Variants in LTBP1 observed in about 807,000 individuals in gnomAD.
LTBP1 encodes latent transforming growth factor beta binding protein 1, also known as latent-transforming growth factor beta-binding protein 1.
LTBP1 carries 129 observed loss-of-function variants against 207.6 expected under a neutral mutation model. The ratio of observed to expected loss-of-function variants is 0.62; its 90% CI spans 0.54 to 0.72. LTBP1 has a LOEUF of 0.72. LTBP1 is among the 30% of genes least tolerant of loss of function. The pLI, the probability that LTBP1 is intolerant of heterozygous loss-of-function variation, is 0.00. For missense variants in LTBP1, 2,281 were observed against 2,217.2 expected (o/e 1.03, Z -0.58); for synonymous variants, 963 against 833.7 (o/e 1.16, Z -2.67).
At chr2:33,251,124 C>G (rs1374299593) in intron 10 of LTBP1, among the ~76,000 whole-genome samples, 1 of 152,206 alleles carries the variant, frequency 6.6e-6, no homozygotes, top group East Asian at 1.9e-4. Context: ...TGGCCCACCT[C>G]TGCTACTACT....
chr2:33,280,169 T>C lies in LTBP1; in HGVS notation c.3112+11T>C. On this transcript the variant is annotated intron_variant, in intron 19 of 33. Transcript: ENST00000404816. ...ATGGACAGTGCCTTGGTAGGTACTA[T>C]AGTGTACTTATCAAAGATTTGTTTC... The C allele has an allele frequency of 6.2e-7, 1 of 1,603,880 alleles. No homozygotes were observed. The highest frequency in any genetic ancestry group is 8.5e-7 in the Non-Finnish European group (1 of 1,176,322).
intron 15 of LTBP1, among the ~76,000 whole-genome samples, chr2:33,265,931 A>G (rs988275937): frequency 6.6e-6 from 1 of 152,154 alleles, no homozygotes; most frequent in African/African-American, 2.4e-5. Context: ...GAAACATGTT[A>G]TGGTTCCTTT....
At chr2:33,396,809 C>CA (rs1346014590) in intron 32 of LTBP1, among the ~76,000 whole-genome samples, 1 of 152,178 alleles carries the variant, frequency 6.6e-6, no homozygotes, top group East Asian at 1.9e-4. Flanking sequence ...ACTGCAAACT[C>CA]ACGAAGTTTG....
intron 21 of LTBP1, 136 bp from the exon 22 acceptor site, chr2:33,301,386 C>T: frequency 9.6e-7 from 1 of 1,040,104 alleles, no homozygotes; most frequent in East Asian, 2.6e-5. Context: ...GATAGTATTA[C>T]AAAAGCGACA....
In LTBP1 at chr2:33,399,047, C is replaced by T. The variant is rs1225891888; in HGVS notation, c.*502C>T. On this transcript the variant is annotated 3_prime_UTR_variant, in exon 34 of 34. Coordinates refer to ENST00000404816, the MANE Select transcript of LTBP1 (RefSeq NM_206943.4). ...ATTGTTACACAGGGTTATGCAATTC[C>T]CGGCCTGGAGCATTTTTGAAATTCA... is the stretch of plus-strand genomic sequence containing the variant. 6.6e-6 allele frequency: 1 copy of T among 152,562 alleles called. No homozygotes were observed. The highest frequency in any genetic ancestry group is 1.5e-5 in the Non-Finnish European group (1 of 68,044). 9.5% of individuals were successfully genotyped at this position (152,562 alleles called of 1,614,324 possible).
chr2:33,256,750 A>G (rs1435334921), intron 11 of LTBP1, among the ~76,000 whole-genome samples: 1 of 77,702 alleles, frequency 1.3e-5, no homozygotes, highest in East Asian at 1.0e-3. Context: ...ATATATATAT[A>G]TATATATATA....
At chr2:33,256,077 T>C in intron 11 of LTBP1, among the ~76,000 whole-genome samples, 1 of 138,728 alleles carries the variant, frequency 7.2e-6, no homozygotes, top group East Asian at 2.1e-4. Flanking sequence ...CTGAGTCTAC[T>C]TTTTTTTTTT....
intron 2 of LTBP1, among the ~76,000 whole-genome samples, chr2:33,010,494 A>G (rs1322926200): frequency 6.6e-6 from 1 of 152,178 alleles, no homozygotes; most frequent in Non-Finnish European, 1.5e-5. Flanking sequence ...TGTGTTGTAT[A>G]TTTCAAAATA....
At chr2:33,285,124 C>T (rs2093638951) in intron 19 of LTBP1, among the ~76,000 whole-genome samples, 1 of 150,556 alleles carries the variant, frequency 6.6e-6, no homozygotes, top group Admixed American at 6.6e-5. Flanking sequence ...TCACTGCAAC[C>T]TCCGCCTCCA....
At chr2:33,069,096 C>G (rs1161020206) in intron 3 of LTBP1, among the ~76,000 whole-genome samples, 1 of 152,192 alleles carries the variant, frequency 6.6e-6, no homozygotes, top group Non-Finnish European at 1.5e-5. Context: ...AAAGTTTACT[C>G]TTGTTCTGAA....
Position 32,978,154 on chromosome 2 carries a change from T to G in LTBP1, c.565+29209T>G, listed in dbSNP as rs558193073. Among the ~76,000 whole-genome samples, 7 of 152,320 alleles carry G rather than the reference T, an allele frequency of 4.6e-5. No individual in the cohort carries two copies. The South Asian group carries it at 1.4e-3, about 32-fold the overall frequency. On this transcript the variant is annotated intron_variant, in intron 2 of 33. Transcript: ENST00000404816. ...TTTTTCCAAAAATAAGATCATATCATCTGCAAACAAGGATAATTTGACTTC... is the reference window on the plus strand; with the variant it reads ...TTTTTCCAAAAATAAGATCATATCAGCTGCAAACAAGGATAATTTGACTTC...
intron 2 of LTBP1, among the ~76,000 whole-genome samples, chr2:33,004,813 AT>A (rs1218922229): frequency 0.011 from 1,657 of 146,030 alleles, 31 homozygotes; most frequent in Non-Finnish European, 0.019. Context: ...ATATATATAT[AT>A]AAACATAAAA....
At chr2:32,977,329 T>C (rs1365927965) in intron 2 of LTBP1, among the ~76,000 whole-genome samples, 1 of 152,186 alleles carries the variant, frequency 6.6e-6, no homozygotes. Flanking sequence ...TGGAGTCACC[T>C]TCCCTGCCGT....
At chr2:33,200,457 C>A (rs1045728815) in intron 7 of LTBP1, among the ~76,000 whole-genome samples, 1 of 152,160 alleles carries the variant, frequency 6.6e-6, no homozygotes, top group Non-Finnish European at 1.5e-5. Flanking sequence ...CTTCTTTATA[C>A]CTTATACAAA....
intron 5 of LTBP1, among the ~76,000 whole-genome samples, chr2:33,175,538 G>C (rs1192565386): frequency 6.6e-6 from 1 of 152,192 alleles, no homozygotes; most frequent in Non-Finnish European, 1.5e-5. Flanking sequence ...AAACAGGAAA[G>C]CTTTTACACT....
chr2:33,020,670 C>T (rs563150066), intron 2 of LTBP1, among the ~76,000 whole-genome samples: 9 of 152,208 alleles, frequency 5.9e-5, no homozygotes, highest in Admixed American at 5.9e-4. Flanking sequence ...CTACAAAACA[C>T]GTTGCTGGGG....
intron 4 of LTBP1, among the ~76,000 whole-genome samples, chr2:33,118,292 A>G (rs997027455): frequency 4.6e-5 from 7 of 152,148 alleles, no homozygotes; most frequent in African/African-American, 1.7e-4. Context: ...TGGACCAGCC[A>G]TGAATGACCT....
chr2:33,036,375 T>C (rs2075920399), intron 3 of LTBP1, among the ~76,000 whole-genome samples: 2 of 152,208 alleles, frequency 1.3e-5, no homozygotes, highest in South Asian at 2.1e-4. Flanking sequence ...TATGTCAGTA[T>C]ACTACAATTT....
At chr2:33,181,878 CT>C (rs897489608) in intron 5 of LTBP1, among the ~76,000 whole-genome samples, 2 of 152,122 alleles carry the variant, frequency 1.3e-5, no homozygotes, top group Admixed American at 1.3e-4. Flanking sequence ...GTGGCATGAA[CT>C]TTTGAAACAG....
Sources: allele counts gnomAD v4.1 joint callset (sites outside exome capture counted in the v4.1 genomes callset), GRCh38; gene constraint gnomAD v4.1.1; transcripts MANE v1.5; gene names NCBI Gene and HGNC (gene_info 2026-07-23, HGNC 2026-07-21).